Variants in STX8 observed in about 807,000 individuals in gnomAD.
STX8 encodes syntaxin 8.
A neutral mutation model predicts 37.5 loss-of-function variants in STX8; 23 were observed. The ratio of observed to expected loss-of-function variants is 0.61; its 90% CI spans 0.44 to 0.87. STX8 has a LOEUF of 0.87. Among genes scored for constraint, STX8 ranks in the 40% least tolerant of loss-of-function variants. The pLI, the probability that STX8 is intolerant of heterozygous loss-of-function variation, is 0.00. For missense variants in STX8, 313 were observed against 284.7 expected (o/e 1.10, Z -0.71); for synonymous variants, 115 against 99.1 (o/e 1.16, Z -0.95).
rs114514105 is a variant in STX8 at position 9,287,306 on chromosome 17, G to A, written c.644-36661C>T. 4.7e-3 allele frequency among the ~76,000 whole-genome samples: 710 copies of A among 152,070 alleles called. 6 individuals are homozygous for A. Among genetic ancestry groups the A allele is most frequent in the African/African-American group, 0.016 (675 of 41,478 alleles). ...GGGGACTAGTTAAAGACTATATGAG[G>A]GCCAGATGCACCCCAGGTCCCTGCC... On this transcript the variant is annotated intron_variant, in intron 7 of 7. Transcript: ENST00000306357.
chr17:9,439,550 C>T (rs1163302749), intron 6 of STX8, among the ~76,000 whole-genome samples: 10 of 133,334 alleles, frequency 7.5e-5, no homozygotes, highest in South Asian at 2.4e-4. Flanking sequence ...TTTTTTTTTG[C>T]GGTGGTGTGA....
intron 2 of STX8, among the ~76,000 whole-genome samples, chr17:9,560,868 C>A (rs376242054): frequency 6.6e-6 from 1 of 151,586 alleles, no homozygotes; most frequent in South Asian, 2.1e-4. Flanking sequence ...AAAGTGATTA[C>A]AAAAAACTAC....
intron 7 of STX8, among the ~76,000 whole-genome samples, chr17:9,323,222 AT>A (rs1313329967): frequency 2.0e-5 from 3 of 152,180 alleles, no homozygotes; most frequent in African/African-American, 7.2e-5. Flanking sequence ...CAGATCAATT[AT>A]TCCTTCTAAC....
At chr17:9,351,809 A>G (rs1283216687) in intron 7 of STX8, among the ~76,000 whole-genome samples, 1 of 152,132 alleles carries the variant, frequency 6.6e-6, no homozygotes, top group Non-Finnish European at 1.5e-5. Context: ...ATGTCATTCA[A>G]GTTAACATTT....
At chr17:9,402,132 G>T (rs11078797) in intron 6 of STX8, among the ~76,000 whole-genome samples, 85,889 of 151,302 alleles carry the variant, frequency 0.57, 24,932 homozygotes, top group East Asian at 0.78. Context: ...ATTATTATTT[G>T]TTTTTAGACA....
rs115818789 is a variant in STX8 at position 9,279,727 on chromosome 17, C to T, written c.644-29082G>A. Among the ~76,000 whole-genome samples, 866 of 151,912 alleles carry T rather than the reference C, an allele frequency of 5.7e-3. 8 individuals carry two copies. Among genetic ancestry groups the T allele is most frequent in the African/African-American group, 0.019 (800 of 41,506 alleles). ...CTCCCTCATGCTGCCAACAACAACCCTCTTCTTCACTGTGACAAGCCTGAC... is the reference window on the plus strand; with the variant it reads ...CTCCCTCATGCTGCCAACAACAACCTTCTTCTTCACTGTGACAAGCCTGAC... On this transcript the variant is annotated intron_variant, in intron 7 of 7. Coordinates refer to ENST00000306357, the MANE Select transcript of STX8 (RefSeq NM_004853.3).
intron 7 of STX8, 127 bp from the exon 8 acceptor site, chr17:9,250,772 A>T: frequency 9.9e-7 from 1 of 1,007,342 alleles, no homozygotes; most frequent in Admixed American, 2.1e-5. Flanking sequence ...TACGAAGTGG[A>T]GAGAGGTGGT....
intron 7 of STX8, among the ~76,000 whole-genome samples, chr17:9,364,122 G>C (rs1033899570): frequency 6.6e-6 from 1 of 152,094 alleles, no homozygotes; most frequent in Admixed American, 6.6e-5. Flanking sequence ...CACTTAACAC[G>C]CGCATTATCC....
At chr17:9,566,706 G>A (rs987073693) in intron 2 of STX8, among the ~76,000 whole-genome samples, 1 of 152,046 alleles carries the variant, frequency 6.6e-6, no homozygotes, top group African/African-American at 2.4e-5. Context: ...AGAATGGCTT[G>A]AACCTGGGAG....
At chr17:9,259,936 G>A (rs1180441644) in intron 7 of STX8, among the ~76,000 whole-genome samples, 5 of 152,164 alleles carry the variant, frequency 3.3e-5, no homozygotes, top group Non-Finnish European at 7.3e-5. Context: ...TAGTCATAGT[G>A]TCCGGGCATG....
intron 6 of STX8, among the ~76,000 whole-genome samples, chr17:9,403,167 A>G (rs1029232566): frequency 2.0e-5 from 3 of 152,192 alleles, no homozygotes; most frequent in African/African-American, 7.2e-5. Flanking sequence ...GTCTCCAATC[A>G]AAAGACGAAA....
chr17:9,362,303 T>C (rs562756738), intron 7 of STX8, among the ~76,000 whole-genome samples: 1 of 152,104 alleles, frequency 6.6e-6, no homozygotes, highest in Non-Finnish European at 1.5e-5. Context: ...CGGGCCTGCA[T>C]GACAGTGTGA....
chr17:9,327,876 T>C (rs1006631991), intron 7 of STX8, among the ~76,000 whole-genome samples: 7 of 151,282 alleles, frequency 4.6e-5, no homozygotes, highest in Non-Finnish European at 8.8e-5. Flanking sequence ...CTCTCTTTTT[T>C]CCTTCCTTCC....
At chr17:9,310,632 G>A (rs1439405338) in intron 7 of STX8, among the ~76,000 whole-genome samples, 1 of 152,116 alleles carries the variant, frequency 6.6e-6, no homozygotes, top group African/African-American at 2.4e-5. Context: ...GACAGGATGG[G>A]CTGAGATGAA....
intron 6 of STX8, among the ~76,000 whole-genome samples, chr17:9,380,235 GTTGT>G (rs1457907880): frequency 7.5e-6 from 1 of 132,764 alleles, no homozygotes; most frequent in African/African-American, 2.9e-5. Context: ...ATTTTTCTGT[GTTGT>G]TTGAATTTCT....
Position 9,342,315 on chromosome 17 carries a change from G to T in STX8, c.643+36237C>A, listed in dbSNP as rs550378827. ...GTACCAGTCCTGGCCCAGGGGTTGGGGACCCCTGCTCCAGAGCCAGGTTGG... is the reference window on the plus strand; with the variant it reads ...GTACCAGTCCTGGCCCAGGGGTTGGTGACCCCTGCTCCAGAGCCAGGTTGG... On this transcript the variant is annotated intron_variant, in intron 7 of 7. Transcript: ENST00000306357. 2.1e-3 allele frequency among the ~76,000 whole-genome samples: 316 copies of T among 152,230 alleles called. 3 individuals are homozygous for T. Among genetic ancestry groups the T allele is most frequent in the African/African-American group, 7.4e-3 (307 of 41,558 alleles).
intron 6 of STX8, among the ~76,000 whole-genome samples, chr17:9,456,237 G>A (rs1319967471): frequency 6.6e-6 from 1 of 152,192 alleles, no homozygotes; most frequent in African/African-American, 2.4e-5. Flanking sequence ...AGGAGAGGGA[G>A]GAAGTGAGGC....
intron 6 of STX8, among the ~76,000 whole-genome samples, chr17:9,443,838 G>A (rs942717019): frequency 2.0e-5 from 3 of 152,132 alleles, no homozygotes; most frequent in African/African-American, 4.8e-5. Flanking sequence ...CTGTTTGTCT[G>A]GTGGGCTGAC....
chr17:9,476,555 C>A (rs1906112323), intron 6 of STX8, among the ~76,000 whole-genome samples: 1 of 151,670 alleles, frequency 6.6e-6, no homozygotes, highest in Non-Finnish European at 1.5e-5. Flanking sequence ...CGGGTTCAAG[C>A]TATTCTCCTG....
Sources: allele counts gnomAD v4.1 joint callset (sites outside exome capture counted in the v4.1 genomes callset), GRCh38; gene constraint gnomAD v4.1.1; transcripts MANE v1.5; gene names NCBI Gene and HGNC (gene_info 2026-07-23, HGNC 2026-07-21).